STYX: variants seen among roughly 807,000 people sequenced by gnomAD.
The protein encoded by STYX is serine/threonine/tyrosine interacting protein, also known as serine/threonine/tyrosine-interacting protein.
In STYX, 20 loss-of-function variants were observed where a neutral mutation model predicts 42.7. The observed-to-expected ratio is 0.47, with a 90% CI of 0.33 to 0.68. STYX has a LOEUF of 0.68. STYX is among the 30% of genes least tolerant of loss of function. The pLI is 0.02. For synonymous variants in STYX, 78 were observed against 81.9 expected (o/e 0.95, Z 0.26); for missense variants, 226 against 268.5 (o/e 0.84, Z 1.11).
intron 1 of STYX, among the ~76,000 whole-genome samples, chr14:52,733,031 A>G (rs1247258490): frequency 1.3e-5 from 2 of 152,216 alleles, no homozygotes; most frequent in Non-Finnish European, 2.9e-5. Flanking sequence ...GCAACCTTAC[A>G]AATAATGTAG....
rs879830959 is a variant in STYX at position 52,730,220 on chromosome 14, C to G, written c.-255C>G. On this transcript the variant is annotated 5_prime_UTR_variant, in exon 1 of 11. Transcript: ENST00000354586. ...CTGGGCGGCCTGAGGGGTACGGAGA[C>G]TCTGGGGGAGGGAGACGGCAGCGGC... is the stretch of plus-strand genomic sequence containing the variant. 4 of 560,454 alleles carry G rather than the reference C, an allele frequency of 7.1e-6. No individual in the cohort carries two copies. The highest frequency in any genetic ancestry group is 1.3e-5 in the Non-Finnish European group (4 of 313,654). The allele number at this position is 560,454 out of a possible 1,614,324, so 34.7% of individuals were successfully genotyped here.
In STYX at chr14:52,757,303, T is replaced by A. The variant is rs950109018; in HGVS notation, c.304-16T>A. 4 of 1,598,848 alleles carry A rather than the reference T, an allele frequency of 2.5e-6. No homozygotes were observed. Among genetic ancestry groups the A allele is most frequent in the Non-Finnish European group, 3.4e-6 (4 of 1,170,650 alleles). On this transcript the variant is annotated splice_polypyrimidine_tract_variant and intron_variant, in intron 5 of 10. Coordinates refer to ENST00000354586, the MANE Select transcript of STYX (RefSeq NM_145251.4). ...TATTTTATGCTTACATTAATCCACA[T>A]GTCTTTTGCCTCCAGACTAAGGAAT...
chr14:52,757,451 AC>A, intron 6 of STYX, 96 bp downstream of exon 6: 1 of 1,165,494 alleles, frequency 8.6e-7, no homozygotes. Context: ...TATGGAAGTT[AC>A]AATTATATGT....
At chr14:52,742,776 T>G (rs564728196) in intron 1 of STYX, among the ~76,000 whole-genome samples, 26 of 152,042 alleles carry the variant, frequency 1.7e-4, no homozygotes, top group Non-Finnish European at 1.6e-4. Context: ...CTCCTTCTGA[T>G]TGATTGCTAT....
At chr14:52,755,725 C>A (rs572035656) in intron 4 of STYX, among the ~76,000 whole-genome samples, 7 of 126,696 alleles carry the variant, frequency 5.5e-5, no homozygotes, top group Non-Finnish European at 8.0e-5. Context: ...AAGATGAGTT[C>A]AAACAGTGAA....
At chr14:52,732,565 G>T (rs1381530103) in intron 1 of STYX, among the ~76,000 whole-genome samples, 1 of 151,892 alleles carries the variant, frequency 6.6e-6, no homozygotes, top group Non-Finnish European at 1.5e-5. Context: ...GAGCTACCGC[G>T]CCCGGCCAAT....
Position 52,735,171 on chromosome 14 carries a change from T to TATCTCTAC in STYX, c.57+4641_57+4648dup, listed in dbSNP as rs572859035. Among the ~76,000 whole-genome samples the TATCTCTAC allele has an allele frequency of 7.9e-5, 12 of 152,358 alleles. No homozygotes were observed. The East Asian group carries it at 2.3e-3, about 29-fold the overall frequency. On this transcript the variant is annotated intron_variant, in intron 1 of 10. Transcript: ENST00000354586. ...ACTGCCTTTGTCTCTCATGAGTTCT[T>TATCTCTAC]ATCTCTACTTTCTCTCGGAGTCTCT...
chr14:52,764,064 C>T (rs1375781165), intron 9 of STYX, among the ~76,000 whole-genome samples: 1 of 152,110 alleles, frequency 6.6e-6, no homozygotes, highest in East Asian at 1.9e-4. Flanking sequence ...GCGATCTCGG[C>T]TCACTGCAAC....
intron 1 of STYX, 76 bp from the exon 2 acceptor site, chr14:52,744,776 T>C (rs1881329197): frequency 1.5e-6 from 2 of 1,335,586 alleles, no homozygotes; most frequent in Non-Finnish European, 2.1e-6. Flanking sequence ...TACATACTTG[T>C]GTGTCACATC....
chr14:52,764,396 G>T (rs1882217985), intron 9 of STYX, among the ~76,000 whole-genome samples: 1 of 152,008 alleles, frequency 6.6e-6, no homozygotes, highest in Admixed American at 6.6e-5. Context: ...TTTCCTTCAA[G>T]CTTTCTAAAT....
chr14:52,740,253 C>A (rs748393597), intron 1 of STYX, among the ~76,000 whole-genome samples: 1 of 152,054 alleles, frequency 6.6e-6, no homozygotes, highest in Non-Finnish European at 1.5e-5. Context: ...TGCACTCCAG[C>A]CTAGGCGACA....
chr14:52,746,393 G>T, intron 2 of STYX, 33 bp from the exon 3 acceptor site: 1 of 1,513,100 alleles, frequency 6.6e-7, no homozygotes, highest in African/African-American at 1.5e-5. Flanking sequence ...TTAAATTGCT[G>T]ATGGTAAATA....
intron 2 of STYX, 52 bp from the exon 3 acceptor site, chr14:52,746,374 C>T: frequency 1.4e-6 from 2 of 1,388,316 alleles, no homozygotes; most frequent in East Asian, 2.5e-5. Context: ...TTTATATAGC[C>T]TTATAGATTT....
At chr14:52,769,776 TG>T (rs1277866095) in intron 10 of STYX, among the ~76,000 whole-genome samples, 1 of 152,074 alleles carries the variant, frequency 6.6e-6, no homozygotes, top group African/African-American at 2.4e-5. Flanking sequence ...GGTCCGGATT[TG>T]CCTCCTTTCC....
At chr14:52,733,426 T>A (rs1031111846) in intron 1 of STYX, among the ~76,000 whole-genome samples, 28 of 152,146 alleles carry the variant, frequency 1.8e-4, no homozygotes, top group African/African-American at 6.0e-4. Context: ...CATAATTCAA[T>A]TCTGACACAT....
intron 1 of STYX, among the ~76,000 whole-genome samples, chr14:52,737,868 C>T (rs1361193889): frequency 2.6e-5 from 4 of 152,154 alleles, no homozygotes; most frequent in African/African-American, 7.2e-5. Context: ...CTCCGCCTCC[C>T]GGGTTCACGC....
At position 52,752,863 on chromosome 14, in the gene STYX, GT is replaced by G. The variant is rs1312494685; in HGVS notation, c.242+2092del. On this transcript the variant is annotated intron_variant, in intron 4 of 10. Coordinates refer to ENST00000354586, the MANE Select transcript of STYX (RefSeq NM_145251.4). Reference sequence around the variant, plus strand: ...GTATTTTTCTTTCGTTTTTAATTTTGTTTTTTTTTGTTGTTGTTGTTTTTTT... The same window carrying G: ...GTATTTTTCTTTCGTTTTTAATTTTGTTTTTTTTGTTGTTGTTGTTTTTTT... Among the ~76,000 whole-genome samples, 11 of 139,040 alleles carry G rather than the reference GT, an allele frequency of 7.9e-5. No individual in the cohort carries two copies. In the South Asian group the frequency reaches 1.8e-3, roughly 23 times the overall value. The allele number at this position is 139,040 out of a possible 152,430, so 91.2% of individuals were successfully genotyped here.
chr14:52,753,892 ATTTTTTTTTTTTTTTTT>A (rs56734068), intron 4 of STYX, among the ~76,000 whole-genome samples: 9 of 77,234 alleles, frequency 1.2e-4, no homozygotes, highest in African/African-American at 4.3e-4. Flanking sequence ...CAAAACACTG[ATTTTTTTTTTTTTTTTT>A]TTTTTTTTTT....
chr14:52,734,988 C>T (rs1880890296), intron 1 of STYX, among the ~76,000 whole-genome samples: 2 of 150,964 alleles, frequency 1.3e-5, no homozygotes, highest in South Asian at 4.2e-4. Flanking sequence ...ACCCGGGAGG[C>T]GGAGCTTGCA....
Sources: allele counts gnomAD v4.1 joint callset (sites outside exome capture counted in the v4.1 genomes callset), GRCh38; gene constraint gnomAD v4.1.1; transcripts MANE v1.5; gene names NCBI Gene and HGNC (gene_info 2026-07-23, HGNC 2026-07-21).